IGSF11: variants seen among roughly 807,000 people sequenced by gnomAD.
The protein encoded by IGSF11 is immunoglobulin superfamily member 11.
Under a neutral mutation model 41.0 loss-of-function variants are expected in IGSF11, and 22 were observed. The ratio of observed to expected loss-of-function variants is 0.54; its 90% CI spans 0.38 to 0.77. The LOEUF (loss-of-function observed/expected upper bound fraction) is 0.77, where lower values mean the gene tolerates loss of function less well. Ranked by LOEUF, IGSF11 falls within the 30% of genes least tolerant of loss-of-function variation. IGSF11 has a pLI of 0.00. For synonymous variants in IGSF11, 219 were observed against 201.3 expected, an observed-to-expected ratio of 1.09 and a Z score of -0.74; for missense variants, 444 against 530.8, an observed-to-expected ratio of 0.84 and a Z score of 1.61.
At chr3:119,076,293 A>G (rs561958241) in intron 1 of IGSF11, among the ~76,000 whole-genome samples, 192 of 152,352 alleles carry the variant, frequency 1.3e-3, no homozygotes, top group Non-Finnish European at 2.4e-3. Flanking sequence ...TGTTAGACCT[A>G]AAACCATAAA....
chr3:119,064,442 GTTT>G (rs1289116195), intron 1 of IGSF11, among the ~76,000 whole-genome samples: 1 of 150,260 alleles, frequency 6.7e-6, no homozygotes, highest in Non-Finnish European at 1.5e-5. Flanking sequence ...CACACTGTAG[GTTT>G]TTAAGTCTTG....
chr3:119,038,920 A>G (rs1941011724), upstream of IGSF11, among the ~76,000 whole-genome samples: 1 of 152,208 alleles, frequency 6.6e-6, no homozygotes, highest in Non-Finnish European at 1.5e-5. Flanking sequence ...ATGTGAGATT[A>G]TATATTTTTA....
intron 1 of IGSF11, among the ~76,000 whole-genome samples, chr3:118,950,866 A>T (rs1944521893): frequency 6.6e-6 from 1 of 152,154 alleles, no homozygotes; most frequent in Admixed American, 6.5e-5. Flanking sequence ...CTCAAAAACA[A>T]ACTTGTAAGC....
chr3:118,955,628 T>C (rs1944904427), intron 1 of IGSF11, among the ~76,000 whole-genome samples: 2 of 152,108 alleles, frequency 1.3e-5, no homozygotes, highest in African/African-American at 2.4e-5. Flanking sequence ...TCTTTTTTTT[T>C]CCAAGCAGTA....
At chr3:118,915,202 T>C (rs1278796870) in intron 4 of IGSF11, among the ~76,000 whole-genome samples, 1 of 137,700 alleles carries the variant, frequency 7.3e-6, no homozygotes, top group Admixed American at 7.6e-5. Flanking sequence ...AGAGCGCCTC[T>C]CCTCCTCCAA....
rs1420907034 is a variant in IGSF11, at chr3:118,950,243, TA to T, written c.53-19969del. ...GCAAAAGAGAAACAATCCTATCCAC[TA>T]ACCTGAATAGCCCTAAGGGATCTGA... On this transcript the variant is annotated intron_variant, in intron 1 of 6. Transcript: ENST00000393775. Among the ~76,000 whole-genome samples the T allele has an allele frequency of 6.6e-5, 10 of 152,280 alleles. No individual in the cohort carries two copies. The East Asian group carries it at 1.9e-3, about 29-fold the overall frequency.
intron 1 of IGSF11, among the ~76,000 whole-genome samples, chr3:119,010,385 TTAAC>T (rs1343017132): frequency 1.4e-4 from 21 of 152,206 alleles, no homozygotes; most frequent in Non-Finnish European, 2.8e-4. Context: ...ATGTGTCAAC[TTAAC>T]TAGAGTAAGG....
upstream of IGSF11, among the ~76,000 whole-genome samples, chr3:119,109,234 T>C (rs1416347242): frequency 6.7e-6 from 1 of 148,894 alleles, no homozygotes; most frequent in African/African-American, 2.5e-5. Flanking sequence ...TCTTTTTGGT[T>C]GGTAAGCTAT....
upstream of IGSF11, among the ~76,000 whole-genome samples, chr3:119,036,236 A>G (rs1490576155): frequency 6.6e-5 from 10 of 152,232 alleles, no homozygotes; most frequent in Non-Finnish European, 7.3e-5. Flanking sequence ...CCAGATCTCT[A>G]ATGGCAAGAA....
chr3:118,960,297 G>C (rs977174344), intron 1 of IGSF11, among the ~76,000 whole-genome samples: 1 of 152,102 alleles, frequency 6.6e-6, no homozygotes, highest in African/African-American at 2.4e-5. Flanking sequence ...ACTTAAGATG[G>C]TGAAATTTTA....
intron 1 of IGSF11, among the ~76,000 whole-genome samples, chr3:119,013,911 T>C (rs1938405092): frequency 6.6e-6 from 1 of 152,264 alleles, no homozygotes; most frequent in Non-Finnish European, 1.5e-5. Flanking sequence ...TGGTTTCAGA[T>C]ACGATATACA....
chr3:119,045,779 G>T (rs1941321020), intron 1 of IGSF11, among the ~76,000 whole-genome samples: 1 of 151,878 alleles, frequency 6.6e-6, no homozygotes, highest in Admixed American at 6.6e-5. Context: ...GGTTCTCCCA[G>T]CACGCAGCTG....
intron 1 of IGSF11, among the ~76,000 whole-genome samples, chr3:119,023,330 G>C (rs897557201): frequency 7.2e-6 from 1 of 138,934 alleles, no homozygotes; most frequent in South Asian, 2.3e-4. Context: ...AGAAGATCAC[G>C]AAGATGAAAT....
chr3:119,128,654 G>C (rs1014072263), intron 1 of IGSF11, among the ~76,000 whole-genome samples: 2 of 152,104 alleles, frequency 1.3e-5, no homozygotes, highest in African/African-American at 4.8e-5. Flanking sequence ...AGACAAAGAA[G>C]GGTATTACAT....
At chr3:119,031,639 T>A (rs963116953) in intron 1 of IGSF11, among the ~76,000 whole-genome samples, 3 of 152,242 alleles carry the variant, frequency 2.0e-5, no homozygotes, top group Admixed American at 6.5e-5. Flanking sequence ...CTTGGTAATT[T>A]AATATTTAAA....
intron 1 of IGSF11, among the ~76,000 whole-genome samples, chr3:119,113,999 C>T (rs1224739252): frequency 6.6e-6 from 1 of 152,218 alleles, no homozygotes; most frequent in Non-Finnish European, 1.5e-5. Flanking sequence ...ATATCTGGGG[C>T]CCTTTTAGCT....
intron 3 of IGSF11, 77 bp downstream of exon 3, chr3:118,928,432 C>A: frequency 3.5e-6 from 4 of 1,139,162 alleles, no homozygotes; most frequent in Admixed American, 1.8e-5. Context: ...GGTGTAGAAA[C>A]AAGGGCAGAA....
chr3:119,014,502 CAGAA>C (rs1938477228), intron 1 of IGSF11, among the ~76,000 whole-genome samples: 1 of 152,110 alleles, frequency 6.6e-6, no homozygotes, highest in Non-Finnish European at 1.5e-5. Flanking sequence ...AAGACAGAGA[CAGAA>C]AGGCCCCAAG....
chr3:119,041,985 A>G (rs1232995134), intron 1 of IGSF11, among the ~76,000 whole-genome samples: 3 of 152,234 alleles, frequency 2.0e-5, no homozygotes, highest in Non-Finnish European at 4.4e-5. Flanking sequence ...AGGAGAAAAG[A>G]AAAGAAAATA....
Sources: allele counts gnomAD v4.1 joint callset (sites outside exome capture counted in the v4.1 genomes callset), GRCh38; gene constraint gnomAD v4.1.1; transcripts MANE v1.5; gene names NCBI Gene and HGNC (gene_info 2026-07-23, HGNC 2026-07-21).